Variants in PKHD1L1 observed in about 807,000 individuals in gnomAD.
The protein encoded by PKHD1L1 is PKHD1 like 1, also known as fibrocystin-L.
In PKHD1L1, 434 loss-of-function variants were observed where a neutral mutation model predicts 462.9. That is an observed-to-expected ratio of 0.94 (90% CI 0.87 to 1.02). The LOEUF (loss-of-function observed/expected upper bound fraction) is 1.02, where lower values mean the gene tolerates loss of function less well. Ranked by LOEUF, PKHD1L1 falls within the 50% of genes least tolerant of loss-of-function variation. PKHD1L1 has a pLI of 0.00. For synonymous variants in PKHD1L1, 1,781 were observed against 1,750.0 expected (o/e 1.02, Z -0.44); for missense variants, 5,202 against 5,096.1 (o/e 1.02, Z -0.63).
intron 50 of PKHD1L1, among the ~76,000 whole-genome samples, chr8:109,473,809 A>G (rs562335314): frequency 1.3e-5 from 2 of 152,188 alleles, no homozygotes; most frequent in East Asian, 3.9e-4. Flanking sequence ...GAGCTCAGGT[A>G]ACTCCACATG....
intron 42 of PKHD1L1, 58 bp from the exon 43 acceptor site, chr8:109,452,660 C>T (rs76401002): frequency 0.041 from 49,983 of 1,212,292 alleles, 1,223 homozygotes; most frequent in South Asian, 0.081. Context: ...TTTGAAAAAT[C>T]GAATGAAAAA....
At chr8:109,492,025 TTTATAA>T in intron 62 of PKHD1L1, 31 bp downstream of exon 62, 1 of 1,383,868 alleles carries the variant, frequency 7.2e-7, no homozygotes. Flanking sequence ...ATTATACTAA[TTTATAA>T]TTATATCAGT....
intron 46 of PKHD1L1, among the ~76,000 whole-genome samples, chr8:109,456,697 G>A (rs750835225): frequency 1.3e-5 from 2 of 152,146 alleles, no homozygotes; most frequent in African/African-American, 4.8e-5. Context: ...TTGGAAAAAA[G>A]AAGTGTTTGA....
intron 23 of PKHD1L1, among the ~76,000 whole-genome samples, chr8:109,424,301 T>C (rs1814625060): frequency 6.6e-6 from 1 of 152,246 alleles, no homozygotes. Context: ...TTGATTGCTG[T>C]ACATTTTTCC....
chr8:109,479,755 G>A (rs560846827), intron 54 of PKHD1L1, 116 bp downstream of exon 54: 7 of 862,288 alleles, frequency 8.1e-6, no homozygotes, highest in African/African-American at 6.9e-5. Context: ...GTGTGGAGAA[G>A]TGGACTCTAT....
chr8:109,507,226 T>G (rs1047910786), intron 68 of PKHD1L1, among the ~76,000 whole-genome samples: 4 of 152,128 alleles, frequency 2.6e-5, no homozygotes, highest in African/African-American at 9.7e-5. Flanking sequence ...ATTTCATAAT[T>G]TTTAAAGACA....
At chr8:109,480,827 A>C (rs1444045434) in intron 55 of PKHD1L1, among the ~76,000 whole-genome samples, 1 of 152,042 alleles carries the variant, frequency 6.6e-6, no homozygotes, top group Non-Finnish European at 1.5e-5. Context: ...TTTTGATTAG[A>C]CATATGGCTT....
chr8:109,469,460 T>A (rs1013716734), intron 50 of PKHD1L1, among the ~76,000 whole-genome samples: 1 of 152,082 alleles, frequency 6.6e-6, no homozygotes, highest in Non-Finnish European at 1.5e-5. Context: ...CTCTTTCACC[T>A]TTCTCCTTCC....
intron 30 of PKHD1L1, 104 bp from the exon 31 acceptor site, chr8:109,438,219 TA>T: frequency 1.1e-6 from 1 of 872,158 alleles, no homozygotes; most frequent in Admixed American, 3.8e-5. Flanking sequence ...GACTTTGAAG[TA>T]AAACATCTTC....
intron 23 of PKHD1L1, among the ~76,000 whole-genome samples, chr8:109,422,105 A>G (rs1399750967): frequency 1.3e-5 from 2 of 152,244 alleles, no homozygotes; most frequent in African/African-American, 4.8e-5. Context: ...AACTATTTTT[A>G]TATCCTTTAC....
At chr8:109,376,358 A>G (rs1224088168) in intron 2 of PKHD1L1, among the ~76,000 whole-genome samples, 1 of 152,160 alleles carries the variant, frequency 6.6e-6, no homozygotes, top group Non-Finnish European at 1.5e-5. Context: ...AAAGCACAGT[A>G]TTAGGGTGGG....
intron 14 of PKHD1L1, among the ~76,000 whole-genome samples, chr8:109,402,035 A>G (rs1275609579): frequency 1.3e-5 from 2 of 152,198 alleles, no homozygotes; most frequent in Non-Finnish European, 2.9e-5. Flanking sequence ...ATTTAAGAAT[A>G]TTAAAATACA....
intron 27 of PKHD1L1, among the ~76,000 whole-genome samples, chr8:109,432,702 T>C (rs1815179325): frequency 6.6e-6 from 1 of 152,214 alleles, no homozygotes; most frequent in South Asian, 2.1e-4. Flanking sequence ...AAATGGGAAG[T>C]GTCCATACCA....
intron 6 of PKHD1L1, among the ~76,000 whole-genome samples, chr8:109,386,788 A>T (rs1485020393): frequency 6.6e-6 from 1 of 152,168 alleles, no homozygotes; most frequent in Admixed American, 6.6e-5. Context: ...ATCCGTTCCC[A>T]TAATGAAGCC....
intron 11 of PKHD1L1, among the ~76,000 whole-genome samples, chr8:109,398,257 G>GA (rs1263595715): frequency 4.6e-5 from 7 of 151,940 alleles, no homozygotes; most frequent in African/African-American, 9.7e-5. Context: ...TTTTCCACCA[G>GA]AAAAAAATGT....
In PKHD1L1 at chr8:109,534,175, ATC is replaced by A. The variant is rs1821101599; in HGVS notation, c.*4087_*4088del. ...CCCGAATGGAAATGCTTCAACTTTA[ATC>A]TGAGGCTAGGCGCAGTGGCTCACGC... On this transcript the variant is annotated 3_prime_UTR_variant, in exon 78 of 78. Transcript: ENST00000378402. Among the ~76,000 whole-genome samples the A allele has an allele frequency of 6.6e-6, 1 of 152,208 alleles. No homozygotes were observed. The highest frequency in any genetic ancestry group is 2.4e-5 in the African/African-American group (1 of 41,456).
intron 14 of PKHD1L1, 110 bp from the exon 15 acceptor site, chr8:109,404,444 T>C (rs1414469851): frequency 4.9e-6 from 3 of 616,582 alleles, no homozygotes; most frequent in Non-Finnish European, 7.4e-6. Flanking sequence ...ACAATATAAG[T>C]CATTTAACAG....
At chr8:109,490,141 A>T (rs1818757385) in intron 60 of PKHD1L1, 86 bp downstream of exon 60, 1 of 804,222 alleles carries the variant, frequency 1.2e-6, no homozygotes, top group East Asian at 2.8e-5. Flanking sequence ...GCCACATCTT[A>T]TATTAGCTAA....
chr8:109,509,480 A>C (rs1394078480), intron 70 of PKHD1L1, among the ~76,000 whole-genome samples: 1 of 151,728 alleles, frequency 6.6e-6, no homozygotes, highest in African/African-American at 2.4e-5. Context: ...CAATTTAAAG[A>C]AGTCTTATGT....
Sources: gnomAD v4.1 joint callset for allele counts (sites outside exome capture counted in the v4.1 genomes callset) on GRCh38, gnomAD v4.1.1 for gene constraint, MANE v1.5 for transcripts, NCBI Gene and HGNC (gene_info 2026-07-23, HGNC 2026-07-21) for gene names.